Variants in ZBTB38 observed in about 807,000 individuals in gnomAD.
ZBTB38 encodes zinc finger and BTB domain containing 38.
ZBTB38 carries 20 observed loss-of-function variants against 76.8 expected under a neutral mutation model. The observed-to-expected ratio is 0.26, with a 90% confidence interval of 0.18 to 0.38. The LOEUF is 0.38. Among genes scored for constraint, ZBTB38 ranks in the 10% least tolerant of loss-of-function variants. The pLI is 1.00. For missense variants in ZBTB38, 1,082 were observed against 1,482.3 expected (o/e 0.73, Z 4.43); for synonymous variants, 504 against 544.2 (o/e 0.93, Z 1.03).
At chr3:141,329,493 A>T (rs1386390675) in intron 1 of ZBTB38, among the ~76,000 whole-genome samples, 1 of 152,258 alleles carries the variant, frequency 6.6e-6, no homozygotes, top group Non-Finnish European at 1.5e-5. Flanking sequence ...TGCCACAAGC[A>T]GAGTATTATA....
intron 5 of ZBTB38, among the ~76,000 whole-genome samples, chr3:141,431,353 T>C (rs902973545): frequency 3.7e-5 from 5 of 135,536 alleles, no homozygotes; most frequent in South Asian, 2.3e-4. Context: ...TATATATATA[T>C]ATTTGGGGGG....
At chr3:141,339,823 G>GAATT (rs1943118780) in intron 1 of ZBTB38, among the ~76,000 whole-genome samples, 1 of 152,190 alleles carries the variant, frequency 6.6e-6, no homozygotes, top group South Asian at 2.1e-4. Context: ...ATCAGCAAAT[G>GAATT]AATTCATCAA....
intron 5 of ZBTB38, among the ~76,000 whole-genome samples, chr3:141,428,113 G>A (rs1156926169): frequency 1.3e-5 from 2 of 152,130 alleles, no homozygotes; most frequent in Non-Finnish European, 2.9e-5. Context: ...TGCCATCCTC[G>A]GCTGCCCTGC....
chr3:141,361,192 G>T (rs1244510207), intron 1 of ZBTB38, among the ~76,000 whole-genome samples: 1 of 152,188 alleles, frequency 6.6e-6, no homozygotes, highest in East Asian at 1.9e-4. Flanking sequence ...ATGAAGAGTT[G>T]TTTGTCTTGT....
At chr3:141,423,372 ATG>A (rs559921036) in intron 5 of ZBTB38, among the ~76,000 whole-genome samples, 33 of 152,344 alleles carry the variant, frequency 2.2e-4, no homozygotes, top group Middle Eastern at 6.8e-3. Flanking sequence ...AAGCAATAGA[ATG>A]AGATACTACA....
At chr3:141,356,402 CAA>C (rs763570727) in intron 1 of ZBTB38, among the ~76,000 whole-genome samples, 18 of 152,164 alleles carry the variant, frequency 1.2e-4, no homozygotes, top group Non-Finnish European at 2.2e-4. Flanking sequence ...CTCACTCATA[CAA>C]AAGTGTTACA....
At chr3:141,425,971 G>A (rs1423933583) in intron 5 of ZBTB38, 5 of 320,070 alleles carry the variant, frequency 1.6e-5, no homozygotes, top group South Asian at 5.3e-5. Context: ...TGTGTAGAAC[G>A]GTGCAGAGCA....
At chr3:141,393,495 C>G (rs116276885) in intron 4 of ZBTB38, among the ~76,000 whole-genome samples, 30 of 151,986 alleles carry the variant, frequency 2.0e-4, no homozygotes, top group Non-Finnish European at 3.7e-4. Context: ...AAGAGAGGAA[C>G]CTGGAGCAGG....
In ZBTB38 at chr3:141,431,424, C is replaced by T. The variant is rs370376084; in HGVS notation, c.1-10965C>T. ...AAATAGAGACACGGCACTCAAAAGG[C>T]TTCAGAGAGATTCTCTAAGCCTGTT... On this transcript the variant is annotated intron_variant, in intron 5 of 5. Coordinates refer to ENST00000321464, the MANE Select transcript of ZBTB38 (RefSeq NM_001376113.1). Among the ~76,000 whole-genome samples, 570 of 149,992 alleles carry T rather than the reference C, an allele frequency of 3.8e-3. 2 individuals are homozygous for T. Among genetic ancestry groups the T allele is most frequent in the African/African-American group, 0.014 (552 of 40,064 alleles).
chr3:141,445,583 G>T lies in ZBTB38; in HGVS notation c.3195G>T (p.Glu1065Asp). The change falls in exon 6 of 6, where the codon GAG (glutamate) becomes GAT (aspartate). Residue 1065 changes from glutamate to aspartate, a missense_variant. Glu to Asp is a conservative substitution (Grantham distance 45). Coordinates refer to ENST00000321464, the MANE Select transcript of ZBTB38 (RefSeq NM_001376113.1). This position sits in a 1 kb window ranked among gnomAD's most constrained non-coding sequence, Gnocchi z 6.5. ...AACGCATCCACCTGGGCTTGAAGGA[G>T]TTCGTCTGTCAGTATTGCAACAAGG... ...KHERIHLGLK[E>D]FVCQYCNKAF... The T allele has an allele frequency of 2.5e-6, 4 of 1,614,236 alleles. No individual in the cohort carries two copies. Among genetic ancestry groups the T allele is most frequent in the South Asian group, 1.1e-5 (1 of 91,090 alleles).
intron 1 of ZBTB38, among the ~76,000 whole-genome samples, chr3:141,338,729 C>T (rs994741877): frequency 3.3e-5 from 5 of 152,134 alleles, no homozygotes; most frequent in Admixed American, 1.3e-4. Context: ...ATAATCTACA[C>T]GCCAAACCCC....
chr3:141,356,275 G>A (rs1943659648), intron 1 of ZBTB38, among the ~76,000 whole-genome samples: 1 of 152,090 alleles, frequency 6.6e-6, no homozygotes, highest in Non-Finnish European at 1.5e-5. Context: ...GTTGGACTAG[G>A]GCTGGAGTAA....
At chr3:141,419,723 A>T (rs2074920457) in intron 5 of ZBTB38, among the ~76,000 whole-genome samples, 1 of 152,196 alleles carries the variant, frequency 6.6e-6, no homozygotes, top group Admixed American at 6.5e-5. Context: ...ACAGTGGCTC[A>T]CACCTGTAAT....
intron 4 of ZBTB38, among the ~76,000 whole-genome samples, chr3:141,397,973 C>A (rs1297248740): frequency 6.6e-6 from 1 of 152,218 alleles, no homozygotes; most frequent in Non-Finnish European, 1.5e-5. Flanking sequence ...ACTTGCTTGA[C>A]TCAGGGTTGC....
intron 1 of ZBTB38, among the ~76,000 whole-genome samples, chr3:141,331,568 C>T (rs554988949): frequency 1.3e-5 from 2 of 152,084 alleles, no homozygotes; most frequent in African/African-American, 4.8e-5. Context: ...TTATTGCTCA[C>T]ACACAAATGA....
In ZBTB38 at chr3:141,443,955, G is replaced by A. The variant is rs748305051; in HGVS notation, c.1567G>A (p.Glu523Lys). 6.2e-7 allele frequency: 1 copy of A among 1,614,136 alleles called. No homozygotes were observed. The highest frequency in any genetic ancestry group is 8.5e-7 in the Non-Finnish European group (1 of 1,180,026). ...ERRYQCIFCL[E>K]TFMTYYILKN... ...ACGATATCAGTGCATTTTCTGTCTTGAAACTTTCATGACCTACTATATACT... is the reference window on the plus strand; with the variant it reads ...ACGATATCAGTGCATTTTCTGTCTTAAAACTTTCATGACCTACTATATACT... Residue 523 changes from glutamate to lysine, a missense_variant, in exon 6 of 6, where the codon GAA becomes AAA. Physicochemically the swap from Glu to Lys is moderately conservative, Grantham distance 56. Transcript: ENST00000321464. The surrounding 1 kb of genome is among the most constrained non-coding windows in gnomAD (Gnocchi z 5.6).
chr3:141,395,755 G>T (rs936578474), intron 4 of ZBTB38, among the ~76,000 whole-genome samples: 6 of 152,098 alleles, frequency 3.9e-5, no homozygotes, highest in Admixed American at 1.3e-4. Flanking sequence ...GATGTCACAG[G>T]TTCGGTTCCA....
chr3:141,405,762 G>A (rs1248115993), intron 5 of ZBTB38: 1 of 152,210 alleles, frequency 6.6e-6, no homozygotes, highest in Non-Finnish European at 1.5e-5. Context: ...CTAGAAGTAT[G>A]ACTGTGCTAG....
At chr3:141,399,900 A>G (rs1450292237) in intron 4 of ZBTB38, among the ~76,000 whole-genome samples, 1 of 152,008 alleles carries the variant, frequency 6.6e-6, no homozygotes, top group Non-Finnish European at 1.5e-5. Flanking sequence ...AGGCCCCTGG[A>G]AAAGGATAAG....
Sources: gnomAD v4.1 joint callset for allele counts (sites outside exome capture counted in the v4.1 genomes callset) on GRCh38, gnomAD v4.1.1 for gene constraint, Gnocchi (gnomAD v3.1) non-coding constraint, MANE v1.5 for transcripts, NCBI Gene and HGNC (gene_info 2026-07-23, HGNC 2026-07-21) for gene names.